The following ZNF718 variants were observed in gnomAD, a reference collection of about 807,000 sequenced individuals.
ZNF718 encodes zinc finger protein 718.
ZNF718 carries 3 observed loss-of-function variants against 2.6 expected under a neutral mutation model. The ratio of observed to expected loss-of-function variants is 1.16; its 90% CI spans 0.53 to 3.01. ZNF718 has a LOEUF of 3.01. ZNF718 is among the 30% of genes most tolerant of loss of function. The pLI, the probability that ZNF718 is intolerant of heterozygous loss-of-function variation, is 0.03. For missense variants in ZNF718, 468 were observed against 230.0 expected (o/e 2.03, Z -6.69); for synonymous variants, 135 against 77.9 (o/e 1.73, Z -3.86).
At chr4:143,629 T>G (rs1553810636) in intron 3 of ZNF718, among the ~76,000 whole-genome samples, 1 of 152,204 alleles carries the variant, frequency 6.6e-6, no homozygotes, top group African/African-American at 2.4e-5. Flanking sequence ...AAATCAGGTT[T>G]TTTTTCTCCT....
chr4:127,703 C>T lies in ZNF718; in HGVS notation c.3+3030C>T, dbSNP rs1269300931. Among the ~76,000 whole-genome samples the T allele has an allele frequency of 1.9e-5, 2 of 105,018 alleles. 1 individual carries two copies. The highest frequency in any genetic ancestry group is 4.3e-5 in the Non-Finnish European group (2 of 46,934). 68.9% of individuals were successfully genotyped at this position (105,018 alleles called of 152,430 possible). ...ATGAGACCACAGTGATGTACTGTTCCCGTCTTTGAACTATTTGTCTTTTGA... is the reference window on the plus strand; with the variant it reads ...ATGAGACCACAGTGATGTACTGTTCTCGTCTTTGAACTATTTGTCTTTTGA... On this transcript the variant is annotated intron_variant, in intron 1 of 3. Coordinates refer to ENST00000510175, the MANE Select transcript of ZNF718 (RefSeq NM_001039127.6).
At chr4:168,749 C>A (rs2108808848), downstream of ZNF718, among the ~76,000 whole-genome samples, 1 of 152,042 alleles carries the variant, frequency 6.6e-6, no homozygotes, top group Non-Finnish European at 1.5e-5. Flanking sequence ...CTCTTTTCTT[C>A]TTTATTAGTC....
downstream of ZNF718, among the ~76,000 whole-genome samples, chr4:168,326 C>G (rs1717137771): frequency 6.6e-6 from 1 of 152,068 alleles, no homozygotes; most frequent in Admixed American, 6.6e-5. Context: ...TTTGTTGTGT[C>G]TCTGCCAGGC....
intron 3 of ZNF718, among the ~76,000 whole-genome samples, chr4:194,912 T>G (rs1337064664): frequency 6.6e-6 from 1 of 152,198 alleles, no homozygotes; most frequent in Non-Finnish European, 1.5e-5. Context: ...GCTTATTCCT[T>G]TCCAGGGTGT....
chr4:158,011 A>T (rs1243420837), intron 3 of ZNF718, among the ~76,000 whole-genome samples: 4 of 152,162 alleles, frequency 2.6e-5, no homozygotes, highest in African/African-American at 9.7e-5. Context: ...TTGAAACCCT[A>T]ATGTGAGATA....
At position 131,936 on chromosome 4, in the gene ZNF718, T is replaced by G; in HGVS notation, c.226+431T>G. On this transcript the variant is annotated intron_variant, in intron 3 of 3. Transcript: ENST00000510175. ...GGCGGGCGCCTGTAGTCCCAGCTAC[T>G]CAGGAGGCTGAGGCAGGAGAATGGC... is the stretch of plus-strand genomic sequence containing the variant. Among the ~76,000 whole-genome samples, 2 of 101,172 alleles carry G rather than the reference T, an allele frequency of 2.0e-5. 1 individual carries two copies. Among genetic ancestry groups the G allele is most frequent in the Non-Finnish European group, 4.4e-5 (2 of 45,838 alleles). The allele number at this position is 101,172 out of a possible 152,430, so 66.4% of individuals were successfully genotyped here.
intron 3 of ZNF718, among the ~76,000 whole-genome samples, chr4:197,329 T>TA (rs1717811494): frequency 1.3e-5 from 2 of 151,920 alleles, no homozygotes; most frequent in Non-Finnish European, 2.9e-5. Flanking sequence ...ATTTTTCATA[T>TA]AAAAAAAGAT....
At chr4:157,213 A>G (rs1420449645) in intron 3 of ZNF718, among the ~76,000 whole-genome samples, 1 of 145,646 alleles carries the variant, frequency 6.9e-6, no homozygotes, top group African/African-American at 2.6e-5. Flanking sequence ...CCCAGGTTCA[A>G]GTGATCCTCC....
intron 3 of ZNF718, among the ~76,000 whole-genome samples, chr4:197,093 T>G: frequency 7.1e-6 from 1 of 140,070 alleles, no homozygotes. Context: ...TTTTTAAGCA[T>G]GTACTTCAAG....
At chr4:140,027 T>TA (rs1409683897) in intron 3 of ZNF718, among the ~76,000 whole-genome samples, 1 of 152,270 alleles carries the variant, frequency 6.6e-6, no homozygotes, top group Admixed American at 6.5e-5. Flanking sequence ...CTTTTTTTTT[T>TA]ATCTTTTCTG....
intron 3 of ZNF718, among the ~76,000 whole-genome samples, chr4:145,239 G>T (rs545996745): frequency 6.6e-6 from 1 of 152,240 alleles, no homozygotes; most frequent in Admixed American, 6.5e-5. Flanking sequence ...AATTATTGAT[G>T]AGAACTTATT....
intron 3 of ZNF718, among the ~76,000 whole-genome samples, chr4:170,104 T>C (rs1158935650): frequency 1.3e-4 from 20 of 152,220 alleles, no homozygotes; most frequent in African/African-American, 4.6e-4. Flanking sequence ...CCTTCACTTA[T>C]GAAGCTTAGT....
At chr4:166,006 C>T (rs945647498), downstream of ZNF718, among the ~76,000 whole-genome samples, 2 of 152,170 alleles carry the variant, frequency 1.3e-5, no homozygotes, top group Admixed American at 1.3e-4. Flanking sequence ...ATCCCTCCCC[C>T]AACCCCACAG....
intron 3 of ZNF718, among the ~76,000 whole-genome samples, chr4:139,866 G>A (rs1316126886): frequency 6.6e-6 from 1 of 152,192 alleles, no homozygotes; most frequent in Non-Finnish European, 1.5e-5. Flanking sequence ...TTCTGGCTGT[G>A]GCCTGTGAAA....
At chr4:156,520 A>G (rs1356880500) in intron 3 of ZNF718, among the ~76,000 whole-genome samples, 1 of 152,116 alleles carries the variant, frequency 6.6e-6, no homozygotes, top group Non-Finnish European at 1.5e-5. Context: ...ACAATCTTAA[A>G]TATTTTTAAT....
At position 197,404 on chromosome 4, in the gene ZNF718, T is replaced by C. The variant is rs1283152038; in HGVS notation, c.227-3677T>C. On this transcript the variant is annotated intron_variant and NMD_transcript_variant, in intron 3 of 4. Coordinates refer to the ZNF718 transcript ENST00000642529. ...CAGAACTGGAACTGGAACACAGGAC[T>C]CTCAAACCAGTGCTTTTCCTGTCAC... is the stretch of plus-strand genomic sequence containing the variant. Among the ~76,000 whole-genome samples the C allele has an allele frequency of 2.0e-5, 3 of 152,046 alleles. No individual in the cohort carries two copies. In the East Asian group the frequency reaches 5.8e-4, roughly 30 times the overall value.
chr4:195,577 C>T (rs371650090), intron 3 of ZNF718, among the ~76,000 whole-genome samples: 199 of 148,148 alleles, frequency 1.3e-3, no homozygotes, highest in African/African-American at 4.4e-3. Context: ...TAGTGAGCTA[C>T]GTTTTTGCTT....
rs1194826101 is a variant in ZNF718 at position 132,870 on chromosome 4, C to T, written c.226+1365C>T. ...TGGACCACATTGGAGGAAAAATTGTCTTGGCCACACATAAAATACAGTAAC... is the reference window on the plus strand; with the variant it reads ...TGGACCACATTGGAGGAAAAATTGTTTTGGCCACACATAAAATACAGTAAC... On this transcript the variant is annotated intron_variant, in intron 3 of 3. Transcript: ENST00000510175. 2.0e-5 allele frequency among the ~76,000 whole-genome samples: 2 copies of T among 101,144 alleles called. 1 individual carries two copies. Among genetic ancestry groups the T allele is most frequent in the African/African-American group, 6.9e-5 (2 of 29,114 alleles). The allele number at this position is 101,144 out of a possible 152,430, so 66.4% of individuals were successfully genotyped here. A position where few individuals can be genotyped will look rare whatever the true frequency, so the allele number is the denominator to read the frequency against.
chr4:162,393 A>G lies in ZNF718; in HGVS notation c.*271A>G, dbSNP rs1333401922. On this transcript the variant is annotated 3_prime_UTR_variant, in exon 4 of 4. Coordinates refer to ENST00000510175, the MANE Select transcript of ZNF718 (RefSeq NM_001039127.6). ...AAAAGTGTGGCAAAACCTTTAACCA[A>G]TGCTCATATCTCTTTGCACATGATA... 6.3e-6 allele frequency: 2 copies of G among 316,440 alleles called. No homozygotes were observed. Among genetic ancestry groups the G allele is most frequent in the African/African-American group, 2.1e-5 (1 of 47,054 alleles). The allele number at this position is 316,440 out of a possible 1,614,324, so 19.6% of individuals were successfully genotyped here.
Sources: gnomAD v4.1 joint callset for allele counts (sites outside exome capture counted in the v4.1 genomes callset) on GRCh38, gnomAD v4.1.1 for gene constraint, MANE v1.5 for transcripts, NCBI Gene and HGNC (gene_info 2026-07-23, HGNC 2026-07-21) for gene names.